The following DYNLT2B variants were observed in gnomAD, a reference collection of about 807,000 sequenced individuals.
The protein encoded by DYNLT2B is dynein light chain Tctex-type 2B.
Under a neutral mutation model 19.5 loss-of-function variants are expected in DYNLT2B, and 14 were observed. The ratio of observed to expected loss-of-function variants is 0.72; its 90% confidence interval spans 0.47 to 1.12. The LOEUF is 1.12. DYNLT2B is among the 50% of genes most tolerant of loss of function. The pLI, the probability that DYNLT2B is intolerant of heterozygous loss-of-function variation, is 0.00. For synonymous variants in DYNLT2B, 70 were observed against 59.7 expected, an observed-to-expected ratio of 1.17 and a Z score of -0.79; for missense variants, 133 against 174.7, an observed-to-expected ratio of 0.76 and a Z score of 1.35.
At chr3:196,312,207 G>A (rs747593713) in intron 2 of DYNLT2B, among the ~76,000 whole-genome samples, 4 of 151,060 alleles carry the variant, frequency 2.6e-5, no homozygotes, top group African/African-American at 7.3e-5. Context: ...TACTAGAGAC[G>A]GGGTTTCACC....
chr3:196,310,710 G>A (rs1299731018), intron 2 of DYNLT2B, among the ~76,000 whole-genome samples: 2 of 151,786 alleles, frequency 1.3e-5, no homozygotes, highest in South Asian at 2.1e-4. Flanking sequence ...TTACAGGCGT[G>A]AGCCACCTCA....
chr3:196,312,383 A>T (rs1726666488), intron 2 of DYNLT2B, among the ~76,000 whole-genome samples: 1 of 152,084 alleles, frequency 6.6e-6, no homozygotes, highest in African/African-American at 2.4e-5. Flanking sequence ...ACAAGTTACC[A>T]CTGAATGTCA....
chr3:196,293,953 T>A (rs1726159596), intron 4 of DYNLT2B, among the ~76,000 whole-genome samples: 1 of 149,104 alleles, frequency 6.7e-6, no homozygotes, highest in South Asian at 2.3e-4. Context: ...AAAAAAACCA[T>A]CTTCTTAGCT....
At chr3:196,309,473 C>G (rs1455722248) in intron 2 of DYNLT2B, among the ~76,000 whole-genome samples, 1 of 151,814 alleles carries the variant, frequency 6.6e-6, no homozygotes, top group Non-Finnish European at 1.5e-5. Context: ...CCATGTTGGT[C>G]AGGTTGTTCT....
At chr3:196,306,807 C>T (rs1337912440) in intron 3 of DYNLT2B, 136 bp downstream of exon 3, 2 of 702,968 alleles carry the variant, frequency 2.8e-6, no homozygotes, top group South Asian at 2.0e-5. Flanking sequence ...TCCCAAAGTG[C>T]TGAGATTACA....
intron 2 of DYNLT2B, among the ~76,000 whole-genome samples, chr3:196,307,356 C>G (rs955933347): frequency 6.6e-6 from 1 of 152,038 alleles, no homozygotes; most frequent in African/African-American, 2.4e-5. Context: ...GGCTGGAGTA[C>G]AGTGGCACGA....
intron 2 of DYNLT2B, among the ~76,000 whole-genome samples, chr3:196,308,082 G>GAAAAAAAAAAAAA (rs201886079): frequency 1.8e-5 from 2 of 109,010 alleles, no homozygotes; most frequent in African/African-American, 3.8e-5. Flanking sequence ...ACTCCATCTC[G>GAAAAAAAAAAAAA]AAAAAAAAAA....
intron 2 of DYNLT2B, among the ~76,000 whole-genome samples, chr3:196,314,841 A>AAAAAC (rs1726736527): frequency 1.3e-5 from 2 of 152,020 alleles, no homozygotes; most frequent in African/African-American, 4.8e-5. Context: ...CAAAACAAAA[A>AAAAAC]AAAACAAAAC....
chr3:196,318,175 G>A lies in DYNLT2B; in HGVS notation c.-23C>T. ...CATGCCGGGGCTTCTCGGTCCGGGC[G>A]TAGCTCGCGATGAAGGCCTAGCGGG... On this transcript the variant is annotated 5_prime_UTR_variant, in exon 1 of 5. In the 5' UTR this introduces an upstream ATG that the reference lacks. Coordinates refer to ENST00000325318, the MANE Select transcript of DYNLT2B (RefSeq NM_152773.5). 2 of 1,421,854 alleles carry A rather than the reference G, an allele frequency of 1.4e-6. No homozygotes were observed. The highest frequency in any genetic ancestry group is 2.8e-5 in the East Asian group (1 of 35,688). The allele number at this position is 1,421,854 out of a possible 1,614,324, so 88.1% of individuals were successfully genotyped here.
chr3:196,309,324 G>A (rs1726571689), intron 2 of DYNLT2B, among the ~76,000 whole-genome samples: 1 of 152,028 alleles, frequency 6.6e-6, no homozygotes, highest in Admixed American at 6.6e-5. Context: ...GAAGTGCAAT[G>A]GCGTGATCTC....
chr3:196,302,632 C>T (rs919636853), intron 3 of DYNLT2B, among the ~76,000 whole-genome samples: 12 of 152,024 alleles, frequency 7.9e-5, no homozygotes, highest in Non-Finnish European at 1.8e-4. Context: ...CTGAAAATTC[C>T]AAAGAATTTA....
chr3:196,303,311 G>T lies in DYNLT2B; in HGVS notation c.317+3632C>A, dbSNP rs372792097. On this transcript the variant is annotated intron_variant, in intron 3 of 4. Transcript: ENST00000325318. ...AGTAATAATAAAACTCCGGTCTCCC[G>T]CACAGCCGGCTGTGCGTGAATTACT... Among the ~76,000 whole-genome samples, 36 of 152,236 alleles carry T rather than the reference G, an allele frequency of 2.4e-4. 1 individual carries two copies. Among genetic ancestry groups the T allele is most frequent in the South Asian group, 1.5e-3 (7 of 4,822 alleles).
At chr3:196,300,509 C>G (rs900718973) in intron 3 of DYNLT2B, among the ~76,000 whole-genome samples, 2 of 152,082 alleles carry the variant, frequency 1.3e-5, no homozygotes, top group Non-Finnish European at 1.5e-5. Context: ...GTGGGTGGAT[C>G]ACCTGAGGTC....
intron 3 of DYNLT2B, among the ~76,000 whole-genome samples, chr3:196,303,338 T>C (rs895432166): frequency 6.6e-6 from 1 of 152,172 alleles, no homozygotes; most frequent in Non-Finnish European, 1.5e-5. Context: ...TGAATTACTT[T>C]TTCTCTATGG....
intron 3 of DYNLT2B, chr3:196,298,231 C>A: frequency 7.4e-6 from 2 of 269,084 alleles, no homozygotes; most frequent in South Asian, 4.9e-5. Context: ...GAAGCAGAAT[C>A]AAGCACACAC....
At chr3:196,300,897 A>G (rs1411798020) in intron 3 of DYNLT2B, among the ~76,000 whole-genome samples, 2 of 151,622 alleles carry the variant, frequency 1.3e-5, no homozygotes, top group Admixed American at 1.3e-4. Context: ...ATCTCAACAA[A>G]AACATACAAA....
intron 3 of DYNLT2B, among the ~76,000 whole-genome samples, chr3:196,299,768 A>G (rs1306060271): frequency 2.0e-5 from 3 of 151,684 alleles, no homozygotes; most frequent in Admixed American, 1.3e-4. Flanking sequence ...CGTCTCTACT[A>G]AAAATACAAA....
At chr3:196,315,984 C>T (rs928126663) in intron 2 of DYNLT2B, 114 bp downstream of exon 2, 55 of 1,161,970 alleles carry the variant, frequency 4.7e-5, no homozygotes, top group Admixed American at 1.4e-4. Context: ...GGATTGTAGG[C>T]GTGAGCCACC....
At chr3:196,308,082 GAAA>G (rs201886079) in intron 2 of DYNLT2B, among the ~76,000 whole-genome samples, 52 of 108,986 alleles carry the variant, frequency 4.8e-4, no homozygotes, top group East Asian at 2.1e-3. Context: ...ACTCCATCTC[GAAA>G]AAAAAAAAAA....
Sources: gnomAD v4.1 joint callset for allele counts (sites outside exome capture counted in the v4.1 genomes callset) on GRCh38, gnomAD v4.1.1 for gene constraint, MANE v1.5 for transcripts, NCBI Gene and HGNC (gene_info 2026-07-23, HGNC 2026-07-21) for gene names.